CNTNAP5: variants seen among roughly 807,000 people sequenced by gnomAD.
The protein encoded by CNTNAP5 is contactin associated protein family member 5.
CNTNAP5 carries 72 observed loss-of-function variants against 150.2 expected under a neutral mutation model. The ratio of observed to expected loss-of-function variants is 0.48; its 90% confidence interval spans 0.40 to 0.58. CNTNAP5 has a LOEUF of 0.58. Among genes scored for constraint, CNTNAP5 ranks in the 20% least tolerant of loss-of-function variants. CNTNAP5 has a pLI of 0.00. For missense variants in CNTNAP5, 1,636 were observed against 1,626.2 expected (o/e 1.01, Z -0.10); for synonymous variants, 672 against 619.8 (o/e 1.08, Z -1.25).
chr2:124,602,633 A>G (rs1049545030), intron 11 of CNTNAP5, among the ~76,000 whole-genome samples: 4 of 152,040 alleles, frequency 2.6e-5, no homozygotes, highest in African/African-American at 7.2e-5. Flanking sequence ...AGCTGAGACT[A>G]TAGGCACAAG....
chr2:124,578,100 A>G (rs1696330973), intron 11 of CNTNAP5, among the ~76,000 whole-genome samples: 1 of 147,484 alleles, frequency 6.8e-6, no homozygotes, highest in Non-Finnish European at 1.5e-5. Flanking sequence ...ACCTGAGGTC[A>G]GGAGTTCGAG....
rs756574947 is a variant in CNTNAP5, at chr2:124,903,005, C to T, written c.3560C>T (p.Ala1187Val). Reference protein sequence around the residue: ...LKAALRHATVAPVTVHGTLTE... With the variant: ...LKAALRHATVVPVTVHGTLTE... ...GCTGCCCTGCGCCATGCCACTGTCG[C>T]GCCTGTGACTGTCCATGGGACCTTG... The change falls in exon 22 of 24, where the codon GCG becomes GTG. Residue 1187 changes from alanine (A) to valine (V), a missense_variant. Transcript: ENST00000682447. 8.1e-6 allele frequency: 13 copies of T among 1,611,928 alleles called. No homozygotes were observed. The highest frequency in any genetic ancestry group is 2.2e-5 in the East Asian group (1 of 44,592).
chr2:124,859,944 G>C (rs146996336), intron 19 of CNTNAP5, among the ~76,000 whole-genome samples: 1 of 151,916 alleles, frequency 6.6e-6, no homozygotes, highest in Non-Finnish European at 1.5e-5. Context: ...AGCATTAGGG[G>C]ATATACTTAA....
intron 10 of CNTNAP5, among the ~76,000 whole-genome samples, chr2:124,527,775 A>G (rs1026574273): frequency 3.2e-4 from 49 of 152,192 alleles, no homozygotes; most frequent in South Asian, 2.1e-4. Context: ...GGAGGAAGGA[A>G]TTACTTCTCT....
intron 19 of CNTNAP5, among the ~76,000 whole-genome samples, chr2:124,858,123 G>C (rs2486913): frequency 0.87 from 131,774 of 152,160 alleles, 57,544 homozygotes; most frequent in African/African-American, 0.97. Context: ...AAACTGGAAG[G>C]ATTCCCTTTG....
chr2:124,151,547 T>A (rs944066532), intron 1 of CNTNAP5, among the ~76,000 whole-genome samples: 15 of 152,210 alleles, frequency 9.9e-5, no homozygotes, highest in African/African-American at 3.4e-4. Context: ...TCCTAGTGGG[T>A]TACTAATTAA....
intron 3 of CNTNAP5, among the ~76,000 whole-genome samples, chr2:124,373,724 T>C (rs1156931723): frequency 1.3e-5 from 2 of 152,032 alleles, no homozygotes; most frequent in Non-Finnish European, 2.9e-5. Context: ...AGCAATGTGA[T>C]TAGGAGGGCT....
chr2:124,574,330 A>G (rs1010017782), intron 11 of CNTNAP5, among the ~76,000 whole-genome samples: 1 of 152,212 alleles, frequency 6.6e-6, no homozygotes, highest in South Asian at 2.1e-4. Context: ...CATGGTCACT[A>G]AGGAAAACTG....
chr2:124,860,001 A>G (rs1211653548), intron 19 of CNTNAP5, among the ~76,000 whole-genome samples: 1 of 152,052 alleles, frequency 6.6e-6, no homozygotes, highest in Non-Finnish European at 1.5e-5. Flanking sequence ...TGGCACGTGT[A>G]TACATATGTA....
chr2:124,642,318 T>C (rs763593838), intron 12 of CNTNAP5, among the ~76,000 whole-genome samples: 1 of 152,210 alleles, frequency 6.6e-6, no homozygotes, highest in Non-Finnish European at 1.5e-5. Flanking sequence ...TGTGTGTGTT[T>C]TGATCTTTTA....
rs559298136 is a variant in CNTNAP5, at chr2:124,909,746, C to G, written c.3656-1721C>G. Among the ~76,000 whole-genome samples the G allele has an allele frequency of 4.7e-5, 7 of 147,530 alleles. No homozygotes were observed. The South Asian group carries it at 1.5e-3, about 32-fold the overall frequency. Reference sequence around the variant, plus strand: ...ATTGACTCCTCTGATTTCTCATTTTCCTTCTCTTTATCTGCCCGCTCTCTC... The same window carrying G: ...ATTGACTCCTCTGATTTCTCATTTTGCTTCTCTTTATCTGCCCGCTCTCTC... On this transcript the variant is annotated intron_variant, in intron 22 of 23. Transcript: ENST00000682447.
In CNTNAP5 at chr2:124,865,814, C is replaced by T. The variant is rs1159475802; in HGVS notation, c.3348+378C>T. ...CAAAAATTAGCCAGGTGTGGTGGCA[C>T]ACACTTGTAGTCCCATGTACTCAGG... On this transcript the variant is annotated intron_variant, in intron 20 of 23. Coordinates refer to ENST00000682447, the MANE Select transcript of CNTNAP5 (RefSeq NM_001367498.1). 2.0e-5 allele frequency among the ~76,000 whole-genome samples: 3 copies of T among 151,832 alleles called. No individual in the cohort carries two copies. In the East Asian group the frequency reaches 5.8e-4, roughly 30 times the overall value.
intron 1 of CNTNAP5, among the ~76,000 whole-genome samples, chr2:124,046,372 A>G (rs527846854): frequency 6.6e-6 from 1 of 151,032 alleles, no homozygotes; most frequent in African/African-American, 2.4e-5. Flanking sequence ...TGAAGAAATT[A>G]CTCAGAGCCT....
At chr2:124,736,903 C>G (rs557314755) in intron 13 of CNTNAP5, among the ~76,000 whole-genome samples, 1 of 152,076 alleles carries the variant, frequency 6.6e-6, no homozygotes, top group Admixed American at 6.5e-5. Context: ...CATGAACAAG[C>G]CATAAAATGC....
At chr2:124,416,193 A>G (rs1246820680) in intron 3 of CNTNAP5, among the ~76,000 whole-genome samples, 1 of 152,156 alleles carries the variant, frequency 6.6e-6, no homozygotes, top group Admixed American at 6.5e-5. Context: ...GCTTTGGAAC[A>G]AAGTATTGAG....
intron 12 of CNTNAP5, among the ~76,000 whole-genome samples, chr2:124,635,247 G>A (rs1677947870): frequency 6.6e-6 from 1 of 152,162 alleles, no homozygotes; most frequent in Non-Finnish European, 1.5e-5. Context: ...GAGAAAGAGA[G>A]GTTGTAGGGA....
At position 124,506,200 on chromosome 2, in the gene CNTNAP5, A is replaced by G. The variant is rs116668828; in HGVS notation, c.1327+1644A>G. 2.4e-3 allele frequency among the ~76,000 whole-genome samples: 371 copies of G among 152,080 alleles called. 5 individuals are homozygous for G. The highest frequency in any genetic ancestry group is 7.7e-3 in the African/African-American group (319 of 41,480). ...GAAGCAGACTTTTAAAGAAAAAAAAAAAAAAAAAGAGGCAGTTTCTATGTT... is the reference window on the plus strand; with the variant it reads ...GAAGCAGACTTTTAAAGAAAAAAAAGAAAAAAAAGAGGCAGTTTCTATGTT... On this transcript the variant is annotated intron_variant, in intron 8 of 23. Coordinates refer to ENST00000682447, the MANE Select transcript of CNTNAP5 (RefSeq NM_001367498.1).
At chr2:124,621,184 G>A (rs777759870) in intron 12 of CNTNAP5, among the ~76,000 whole-genome samples, 7 of 152,132 alleles carry the variant, frequency 4.6e-5, no homozygotes, top group Non-Finnish European at 8.8e-5. Context: ...TTTCTTAGCT[G>A]TATACTGTTT....
At chr2:124,677,916 G>A (rs1213540946) in intron 13 of CNTNAP5, among the ~76,000 whole-genome samples, 1 of 151,908 alleles carries the variant, frequency 6.6e-6, no homozygotes. Flanking sequence ...TTTATTAAGG[G>A]AATAAAAGTA....
Sources: allele counts gnomAD v4.1 joint callset (sites outside exome capture counted in the v4.1 genomes callset), GRCh38; gene constraint gnomAD v4.1.1; transcripts MANE v1.5; gene names NCBI Gene and HGNC (gene_info 2026-07-23, HGNC 2026-07-21).